The following SLC12A7 variants were observed in gnomAD, a reference collection of about 807,000 sequenced individuals.
The protein encoded by SLC12A7 is solute carrier family 12 member 7, also known as K-Cl cotransporter 4.
In SLC12A7, 100 loss-of-function variants were observed where a neutral mutation model predicts 120.6. The observed-to-expected ratio is 0.83, with a 90% confidence interval of 0.71 to 0.98. SLC12A7 has a LOEUF of 0.98. Among genes scored for constraint, SLC12A7 ranks in the 50% least tolerant of loss-of-function variants. The probability of loss-of-function intolerance (pLI) is 0.00; values close to 1 mark genes in which losing one functional copy is unlikely to be tolerated. For missense variants in SLC12A7, 1,373 were observed against 1,548.1 expected (o/e 0.89, Z 1.90); for synonymous variants, 760 against 678.0 (o/e 1.12, Z -1.88).
At chr5:1,154,208 T>C in the SLC12A7 span, among the ~76,000 whole-genome samples, 4,144 of 151,704 alleles carry the variant, frequency 0.027, 107 homozygotes, top group East Asian at 0.13. Context: ...TAACCCCTAA[T>C]CCCAACCCTA....
At chr5:1,067,245 C>T (rs1388305267) in intron 17 of SLC12A7, among the ~76,000 whole-genome samples, 2 of 152,344 alleles carry the variant, frequency 1.3e-5, no homozygotes, top group African/African-American at 2.4e-5. Context: ...GGCCTGAACA[C>T]GTTACCCCCA....
At chr5:1,133,238 G>A in the SLC12A7 span, among the ~76,000 whole-genome samples, 1 of 152,184 alleles carries the variant, frequency 6.6e-6, no homozygotes, top group African/African-American at 2.4e-5. Flanking sequence ...AATTATTTGT[G>A]TTAGTTTGAA....
At chr5:1,069,207 A>C (rs922282038) in intron 17 of SLC12A7, among the ~76,000 whole-genome samples, 4 of 152,228 alleles carry the variant, frequency 2.6e-5, no homozygotes, top group Non-Finnish European at 5.9e-5. Context: ...GTGGCCATCC[A>C]CGTGGCCAAC....
chr5:1,116,390 C>T (rs1225918889), upstream of SLC12A7, among the ~76,000 whole-genome samples: 2 of 152,200 alleles, frequency 1.3e-5, no homozygotes, highest in Non-Finnish European at 2.9e-5. Flanking sequence ...TTCTGAGCCT[C>T]CCCCGGGTCC....
the SLC12A7 span, among the ~76,000 whole-genome samples, chr5:1,137,422 C>T: frequency 6.6e-6 from 1 of 152,216 alleles, no homozygotes; most frequent in Non-Finnish European, 1.5e-5. Flanking sequence ...TACAGCTCAG[C>T]ACCTGCCAGG....
chr5:1,102,935 C>T (rs1400137826), intron 1 of SLC12A7, among the ~76,000 whole-genome samples: 1 of 152,150 alleles, frequency 6.6e-6, no homozygotes, highest in Non-Finnish European at 1.5e-5. Flanking sequence ...GACCCAGGAA[C>T]ACTCCCAACC....
chr5:1,052,120 C>G lies in SLC12A7; in HGVS notation c.*240G>C. The G allele has an allele frequency of 1.8e-6, 1 of 571,332 alleles. No individual in the cohort carries two copies. Among genetic ancestry groups the G allele is most frequent in the Non-Finnish European group, 3.1e-6 (1 of 320,060 alleles). 35.4% of individuals were successfully genotyped at this position (571,332 alleles called of 1,614,324 possible). ...GTCCAGGTCACTCCGGTAGCAGCGT[C>G]TGCCCTCAGATGCAAGGAAATCGTC... On this transcript the variant is annotated 3_prime_UTR_variant, in exon 24 of 24. Transcript: ENST00000264930.
intron 17 of SLC12A7, among the ~76,000 whole-genome samples, chr5:1,067,741 G>A (rs1254167158): frequency 6.6e-6 from 1 of 152,250 alleles, no homozygotes; most frequent in Non-Finnish European, 1.5e-5. Context: ...TTGCAGGACT[G>A]CAGGGTTTCA....
At chr5:1,065,257 G>A in intron 18 of SLC12A7, 26 bp downstream of exon 18, 1 of 1,522,156 alleles carries the variant, frequency 6.6e-7, no homozygotes, top group Non-Finnish European at 8.9e-7. Context: ...GTGAGGGGAT[G>A]CCGAAGGGCC....
upstream of SLC12A7, among the ~76,000 whole-genome samples, chr5:1,116,799 C>A (rs920965375): frequency 6.6e-6 from 1 of 152,132 alleles, no homozygotes; most frequent in African/African-American, 2.4e-5. Flanking sequence ...ACCCACCCCC[C>A]GCCAGCTCTC....
chr5:1,075,815 C>T, intron 14 of SLC12A7: 2 of 504,126 alleles, frequency 4.0e-6, no homozygotes, highest in African/African-American at 1.9e-5. Flanking sequence ...TAAGAAGACC[C>T]ACAGCCCTGA....
chr5:1,127,606 A>G, the SLC12A7 span, among the ~76,000 whole-genome samples: 1 of 152,242 alleles, frequency 6.6e-6, no homozygotes, highest in Non-Finnish European at 1.5e-5. Context: ...TACAAATACC[A>G]CAGATAACTC....
chr5:1,101,122 G>A (rs974085789), intron 1 of SLC12A7, among the ~76,000 whole-genome samples: 3 of 152,264 alleles, frequency 2.0e-5, no homozygotes, highest in Non-Finnish European at 2.9e-5. Context: ...CTGTTTCAGC[G>A]CCCTCTCCCC....
the SLC12A7 span, among the ~76,000 whole-genome samples, chr5:1,135,898 C>T: frequency 5.9e-5 from 9 of 152,206 alleles, no homozygotes; most frequent in Non-Finnish European, 1.2e-4. Flanking sequence ...CCAAAACGCA[C>T]TCCCCGTTTC....
the SLC12A7 span, among the ~76,000 whole-genome samples, chr5:1,132,342 C>A: frequency 6.6e-6 from 1 of 152,130 alleles, no homozygotes; most frequent in Non-Finnish European, 1.5e-5. Context: ...AAAAATCCAC[C>A]CCTTGTTCAG....
chr5:1,139,239 C>T, the SLC12A7 span, among the ~76,000 whole-genome samples: 3,245 of 152,340 alleles, frequency 0.021, 122 homozygotes, highest in African/African-American at 0.075. Context: ...CCACGGCAGC[C>T]GGCTGGGATC....
At chr5:1,139,021 T>C in the SLC12A7 span, among the ~76,000 whole-genome samples, 3 of 152,120 alleles carry the variant, frequency 2.0e-5, no homozygotes, top group African/African-American at 7.2e-5. Context: ...GCTGAAGTCT[T>C]GACTTTGAAA....
the SLC12A7 span, among the ~76,000 whole-genome samples, chr5:1,123,430 C>T: frequency 5.3e-5 from 8 of 152,194 alleles, no homozygotes; most frequent in African/African-American, 9.7e-5. Flanking sequence ...CTCCTGGAGG[C>T]GCACTAGAGC....
chr5:1,106,288 A>G (rs1362457284), intron 1 of SLC12A7, among the ~76,000 whole-genome samples: 1 of 152,190 alleles, frequency 6.6e-6, no homozygotes, highest in Non-Finnish European at 1.5e-5. Flanking sequence ...CCCCATCTGC[A>G]CTATAAATAT....
Sources: allele counts gnomAD v4.1 joint callset (sites outside exome capture counted in the v4.1 genomes callset), GRCh38; gene constraint gnomAD v4.1.1; transcripts MANE v1.5; gene names NCBI Gene and HGNC (gene_info 2026-07-23, HGNC 2026-07-21).